The following TANGO6 variants were observed in gnomAD, a reference collection of about 807,000 sequenced individuals.
The protein encoded by TANGO6 is transport and Golgi organization protein 6 homolog.
A neutral mutation model predicts 114.2 loss-of-function variants in TANGO6; 90 were observed. The ratio of observed to expected loss-of-function variants is 0.79; its 90% CI spans 0.66 to 0.94. The LOEUF is 0.94. Among genes scored for constraint, TANGO6 ranks in the 40% least tolerant of loss-of-function variants. TANGO6 has a pLI of 0.00. For synonymous variants in TANGO6, 477 were observed against 509.8 expected (o/e 0.94, Z 0.87); for missense variants, 1,274 against 1,315.3 (o/e 0.97, Z 0.49).
At chr16:68,965,420 A>T (rs565307750) in intron 14 of TANGO6, among the ~76,000 whole-genome samples, 2 of 152,322 alleles carry the variant, frequency 1.3e-5, no homozygotes, top group East Asian at 1.9e-4. Context: ...ACAGATTCGG[A>T]TACAAAAGGA....
chr16:68,980,572 C>T (rs1963824629), intron 15 of TANGO6, among the ~76,000 whole-genome samples: 1 of 151,348 alleles, frequency 6.6e-6, no homozygotes, highest in African/African-American at 2.4e-5. Flanking sequence ...CCTATAGTTC[C>T]AGCTACTCAG....
At chr16:68,898,426 C>T (rs1426897230) in intron 7 of TANGO6, among the ~76,000 whole-genome samples, 2 of 152,130 alleles carry the variant, frequency 1.3e-5, no homozygotes, top group East Asian at 3.9e-4. Context: ...TCATGAACAA[C>T]GTTGATTCCT....
intron 17 of TANGO6, among the ~76,000 whole-genome samples, chr16:69,063,555 G>A (rs1426104383): frequency 6.7e-6 from 1 of 148,914 alleles, no homozygotes. Flanking sequence ...GTGTGGTGGG[G>A]GGCACCTGTA....
At chr16:68,980,441 T>A (rs1391112229) in intron 15 of TANGO6, among the ~76,000 whole-genome samples, 160 of 100,730 alleles carry the variant, frequency 1.6e-3, no homozygotes, top group South Asian at 0.01. Flanking sequence ...ATATATTTTT[T>A]TTTTTTTTTT....
At position 68,843,587 on chromosome 16, in the gene TANGO6, C is replaced by G. The variant is rs780956947; in HGVS notation, c.-31C>G. ...GCGGCGCCCTGCCGAGGCGCCTGAG[C>G]GGGTCGCGAGCGTGGTGTTACACTC... On this transcript the variant is annotated 5_prime_UTR_variant, in exon 1 of 18. Coordinates refer to ENST00000261778, the MANE Select transcript of TANGO6 (RefSeq NM_024562.2). 1.9e-6 allele frequency: 3 copies of G among 1,603,650 alleles called. No individual in the cohort carries two copies. The highest frequency in any genetic ancestry group is 3.4e-5 in the Admixed American group (2 of 59,102).
At chr16:68,934,239 G>C (rs1026313339) in intron 14 of TANGO6, among the ~76,000 whole-genome samples, 1 of 151,880 alleles carries the variant, frequency 6.6e-6, no homozygotes. Flanking sequence ...TGTAGAGATG[G>C]GGGTCTCACT....
rs1963185477 is a variant in TANGO6, at chr16:68,927,697, G to A, written c.2257G>A (p.Ala753Thr). ...DLRITISTHG[A>T]FATEAVSMAA... The stretch of plus-strand genomic sequence containing the variant: ...CCGCATCACCATCTCTACCCATGGA[G>A]CCTTTGCCACTGAGGCCGTCAGCAT... The change falls in exon 13 of 18, where the codon GCC becomes ACC. Residue 753 changes from alanine to threonine, a missense_variant. Ala to Thr is a moderately conservative substitution (Grantham distance 58). Around this residue, in one of 5 missense-constraint regions of TANGO6, gnomAD observed 908 missense variants for 910.2 expected, o/e 1.00. Transcript: ENST00000261778. The A allele has an allele frequency of 6.2e-7, 1 of 1,613,996 alleles. No individual in the cohort carries two copies. Among genetic ancestry groups the A allele is most frequent in the Non-Finnish European group, 8.5e-7 (1 of 1,179,888 alleles).
chr16:68,972,916 C>G (rs373103673), intron 14 of TANGO6: 2 of 275,932 alleles, frequency 7.2e-6, no homozygotes, highest in African/African-American at 4.5e-5. Flanking sequence ...GAAGTGAGGC[C>G]GACTCCTCCG....
chr16:68,914,891 T>TA (rs1393283952), intron 11 of TANGO6, among the ~76,000 whole-genome samples: 1 of 151,034 alleles, frequency 6.6e-6, no homozygotes, highest in African/African-American at 2.4e-5. Flanking sequence ...TTTTTTTTTT[T>TA]AAACATACAT....
intron 12 of TANGO6, among the ~76,000 whole-genome samples, chr16:68,919,940 G>T (rs148907149): frequency 1.1e-4 from 17 of 152,142 alleles, no homozygotes; most frequent in Non-Finnish European, 2.4e-4. Context: ...CCAGCTACTC[G>T]GGAGGCTGAG....
intron 15 of TANGO6, among the ~76,000 whole-genome samples, chr16:69,017,119 AATAAG>A (rs754296409): frequency 8.5e-5 from 13 of 152,226 alleles, no homozygotes; most frequent in Non-Finnish European, 1.5e-4. Context: ...AGTCTGAGCA[AATAAG>A]ATAATACTGG....
rs566690403 is a variant in TANGO6 at position 68,867,023 on chromosome 16, G to A, written c.853-56G>A. On this transcript the variant is annotated intron_variant, in intron 3 of 17. Transcript: ENST00000261778. Reference sequence around the variant, plus strand: ...TTTACAGGCATGAGCCACTACGCCCGGCCATCATATCTATTTCAGTGACAT... The same window carrying A: ...TTTACAGGCATGAGCCACTACGCCCAGCCATCATATCTATTTCAGTGACAT... 60 of 818,132 alleles carry A rather than the reference G, an allele frequency of 7.3e-5. No individual in the cohort carries two copies. In the South Asian group the frequency reaches 9.4e-4, roughly 13 times the overall value. The allele number at this position is 818,132 out of a possible 1,614,324, so 50.7% of individuals were successfully genotyped here.
intron 7 of TANGO6, among the ~76,000 whole-genome samples, chr16:68,884,495 G>A (rs764136570): frequency 2.8e-4 from 43 of 152,148 alleles, no homozygotes; most frequent in Non-Finnish European, 4.9e-4. Flanking sequence ...AGTCTAGAAA[G>A]CAGATGTTCT....
chr16:68,844,627 C>T (rs1392597732), intron 1 of TANGO6, among the ~76,000 whole-genome samples: 1 of 152,174 alleles, frequency 6.6e-6, no homozygotes, highest in African/African-American at 2.4e-5. Context: ...GCAAACATTA[C>T]ACCACACCAG....
chr16:68,957,050 C>T (rs1963536933), intron 14 of TANGO6, among the ~76,000 whole-genome samples: 1 of 152,038 alleles, frequency 6.6e-6, no homozygotes, highest in Non-Finnish European at 1.5e-5. Flanking sequence ...AAGAAGGCCC[C>T]TTCATCCTAG....
chr16:68,964,827 C>G (rs550969507), intron 14 of TANGO6, among the ~76,000 whole-genome samples: 37 of 152,172 alleles, frequency 2.4e-4, no homozygotes, highest in African/African-American at 8.9e-4. Flanking sequence ...ACCTCAGCTT[C>G]TCAAATGCTG....
At chr16:68,867,033 T>C in intron 3 of TANGO6, 46 bp from the exon 4 acceptor site, 4 of 1,134,366 alleles carry the variant, frequency 3.5e-6, no homozygotes, top group Non-Finnish European at 5.0e-6. Context: ...GGCCATCATA[T>C]CTATTTCAGT....
rs1369464407 is a variant in TANGO6, at chr16:69,083,815, G to T, written c.*154G>T. ...GGTGCAGGTCACTTGGGTCTTCAGGGTCCCTTCCGAGGGCATGTGTTCAGC... is the reference window on the plus strand; with the variant it reads ...GGTGCAGGTCACTTGGGTCTTCAGGTTCCCTTCCGAGGGCATGTGTTCAGC... On this transcript the variant is annotated 3_prime_UTR_variant, in exon 18 of 18. Coordinates refer to ENST00000261778, the MANE Select transcript of TANGO6 (RefSeq NM_024562.2). The T allele has an allele frequency of 7.9e-6, 6 of 763,626 alleles. No individual in the cohort carries two copies. Among genetic ancestry groups the T allele is most frequent in the Non-Finnish European group, 1.2e-5 (6 of 487,466 alleles). The allele number at this position is 763,626 out of a possible 1,614,324, so 47.3% of individuals were successfully genotyped here. A position where few individuals can be genotyped will look rare whatever the true frequency, so the allele number is the denominator to read the frequency against.
At chr16:69,035,163 C>A (rs1435250344) in intron 16 of TANGO6, 1 of 152,192 alleles carries the variant, frequency 6.6e-6, no homozygotes, top group African/African-American at 2.4e-5. Flanking sequence ...TTGCCACAAT[C>A]AGTGCAGTTT....
Sources: allele counts gnomAD v4.1 joint callset (sites outside exome capture counted in the v4.1 genomes callset), GRCh38; gene constraint gnomAD v4.1.1; regional missense constraint gnomAD v4.1.1; transcripts MANE v1.5; gene names NCBI Gene and HGNC (gene_info 2026-07-23, HGNC 2026-07-21).